The following STAP1 variants were observed in gnomAD, a reference collection of about 807,000 sequenced individuals.
STAP1 encodes signal transducing adaptor family member 1, also known as signal-transducing adaptor protein 1.
A neutral mutation model predicts 37.8 loss-of-function variants in STAP1; 30 were observed. That is an observed-to-expected ratio of 0.79 (90% CI 0.59 to 1.08). The LOEUF (loss-of-function observed/expected upper bound fraction) is 1.08. STAP1 is among the 50% of genes least tolerant of loss of function. STAP1 has a pLI of 0.00. For missense variants in STAP1, 357 were observed against 349.4 expected (o/e 1.02, Z -0.17); for synonymous variants, 130 against 116.0 (o/e 1.12, Z -0.78).
intron 3 of STAP1, among the ~76,000 whole-genome samples, chr4:67,575,843 A>G (rs1727708446): frequency 6.6e-6 from 1 of 152,172 alleles, no homozygotes. Flanking sequence ...AACTTGTATT[A>G]AATAAGATAT....
At chr4:67,571,402 T>C (rs1461466841) in intron 2 of STAP1, among the ~76,000 whole-genome samples, 1 of 152,242 alleles carries the variant, frequency 6.6e-6, no homozygotes, top group Non-Finnish European at 1.5e-5. Context: ...CTGATTCTGA[T>C]AACTAAACTT....
intron 6 of STAP1, among the ~76,000 whole-genome samples, chr4:67,586,353 AG>A (rs1727979305): frequency 1.3e-5 from 2 of 152,180 alleles, no homozygotes. Context: ...GCTACTCAGG[AG>A]GCTGAGGTAG....
chr4:67,576,677 T>A (rs890142771), intron 3 of STAP1, among the ~76,000 whole-genome samples: 1 of 152,206 alleles, frequency 6.6e-6, no homozygotes, highest in African/African-American at 2.4e-5. Context: ...GTATTTTTTG[T>A]AGAGACATGG....
intron 1 of STAP1, among the ~76,000 whole-genome samples, chr4:67,560,089 A>G (rs964277165): frequency 6.6e-6 from 1 of 152,218 alleles, no homozygotes; most frequent in African/African-American, 2.4e-5. Flanking sequence ...AAAAAATTCT[A>G]ATTAGTAATT....
chr4:67,583,737 A>T (rs1727918992), intron 6 of STAP1, 35 bp downstream of exon 6: 1 of 1,598,826 alleles, frequency 6.3e-7, no homozygotes, highest in Non-Finnish European at 8.5e-7. Flanking sequence ...TGGAATTTTT[A>T]AAAGCGTGGT....
chr4:67,586,247 A>T (rs1727977203), intron 6 of STAP1, among the ~76,000 whole-genome samples: 1 of 152,200 alleles, frequency 6.6e-6, no homozygotes, highest in Non-Finnish European at 1.5e-5. Flanking sequence ...TCATGAGGTC[A>T]GGAGTTTGAG....
chr4:67,595,026 G>A (rs1477780910), intron 8 of STAP1, among the ~76,000 whole-genome samples: 1 of 152,084 alleles, frequency 6.6e-6, no homozygotes, highest in Non-Finnish European at 1.5e-5. Context: ...TAGGAGAGCA[G>A]AAGTTTTAAA....
intron 6 of STAP1, among the ~76,000 whole-genome samples, chr4:67,588,097 A>G (rs1728030204): frequency 6.7e-6 from 1 of 149,862 alleles, no homozygotes; most frequent in African/African-American, 2.4e-5. Flanking sequence ...GGTCAGCATC[A>G]GGAAATCTTA....
At chr4:67,567,792 C>T (rs1257561758) in intron 1 of STAP1, among the ~76,000 whole-genome samples, 5 of 152,168 alleles carry the variant, frequency 3.3e-5, no homozygotes, top group South Asian at 2.1e-4. Context: ...GTTGTCCCTC[C>T]CTTCCCAGTC....
At chr4:67,578,060 C>T (rs186653752) in intron 4 of STAP1, among the ~76,000 whole-genome samples, 5 of 152,230 alleles carry the variant, frequency 3.3e-5, no homozygotes, top group Non-Finnish European at 4.4e-5. Context: ...TGAAAACTCA[C>T]CTTTAAACAT....
At position 67,569,001 on chromosome 4, in the gene STAP1, T is replaced by C. The variant is rs185915500; in HGVS notation, c.121-2083T>C. ...GTCACTTAACAATGGGGATATATTC[T>C]CAGAAATGCATTGTTAGGTGATTTC... On this transcript the variant is annotated intron_variant, in intron 1 of 8. Transcript: ENST00000265404. Among the ~76,000 whole-genome samples the C allele has an allele frequency of 1.7e-3, 256 of 152,322 alleles. 2 individuals are homozygous for C. The highest frequency in any genetic ancestry group is 3.5e-3 in the African/African-American group (147 of 41,564).
At chr4:67,581,515 A>G in intron 5 of STAP1, 44 bp downstream of exon 5, 1 of 1,557,884 alleles carries the variant, frequency 6.4e-7, no homozygotes, top group Non-Finnish European at 8.7e-7. Flanking sequence ...GATTGTTAAA[A>G]CTAATTTCTA....
At chr4:67,570,622 A>C (rs987408319) in intron 1 of STAP1, among the ~76,000 whole-genome samples, 3 of 151,812 alleles carry the variant, frequency 2.0e-5, no homozygotes, top group Non-Finnish European at 4.4e-5. Context: ...TGATTGTACC[A>C]CTACGCTCCA....
intron 3 of STAP1, 33 bp downstream of exon 3, chr4:67,575,531 T>C (rs754047230): frequency 1.6e-5 from 23 of 1,479,394 alleles, no homozygotes; most frequent in Middle Eastern, 3.4e-4. Flanking sequence ...CTGTAAAGGG[T>C]TGTGGTTATA....
intron 1 of STAP1, among the ~76,000 whole-genome samples, chr4:67,560,643 G>GTGT (rs1727313273): frequency 3.3e-5 from 5 of 149,488 alleles, no homozygotes; most frequent in Non-Finnish European, 7.4e-5. Flanking sequence ...TGTGTGTGTG[G>GTGT]GTGTGTGTCT....
At chr4:67,579,994 T>C (rs1473226468) in intron 4 of STAP1, among the ~76,000 whole-genome samples, 3 of 152,250 alleles carry the variant, frequency 2.0e-5, no homozygotes, top group African/African-American at 7.2e-5. Flanking sequence ...GCCTCCCAAG[T>C]ATCTGGGATT....
chr4:67,606,346 C>A lies in STAP1; in HGVS notation c.877C>A (p.His293Asn), dbSNP rs1253059855. ...AAGTGAAAAGTTGAAGAAAAATCCACACATTGCATGAAATACAATGTGAAA... is the reference window on the plus strand; with the variant it reads ...AAGTGAAAAGTTGAAGAAAAATCCAAACATTGCATGAAATACAATGTGAAA... ...GRSEKLKKNPHIA is the reference protein window; with the variant it reads ...GRSEKLKKNPNIA The change falls in exon 9 of 9, where the codon CAC (histidine) becomes AAC (asparagine). Residue 293 changes from histidine to asparagine, a missense_variant. Coordinates refer to ENST00000265404, the MANE Select transcript of STAP1 (RefSeq NM_012108.4). 1 of 1,610,654 alleles carries A rather than the reference C, an allele frequency of 6.2e-7. No individual in the cohort carries two copies. The highest frequency in any genetic ancestry group is 8.5e-7 in the Non-Finnish European group (1 of 1,178,674).
At chr4:67,573,462 TCTAA>T (rs747273976) in intron 2 of STAP1, among the ~76,000 whole-genome samples, 6 of 152,180 alleles carry the variant, frequency 3.9e-5, no homozygotes, top group Non-Finnish European at 8.8e-5. Context: ...GCTACTGCAC[TCTAA>T]CTAACTGCCA....
Position 67,569,011 on chromosome 4 carries a change from A to T in STAP1, c.121-2073A>T, listed in dbSNP as rs192007276. 1.1e-4 allele frequency among the ~76,000 whole-genome samples: 17 copies of T among 152,334 alleles called. No homozygotes were observed. The East Asian group carries it at 1.7e-3, about 16-fold the overall frequency. Reference sequence around the variant, plus strand: ...AATGGGGATATATTCTCAGAAATGCATTGTTAGGTGATTTCATCATTGTGT... The same window carrying T: ...AATGGGGATATATTCTCAGAAATGCTTTGTTAGGTGATTTCATCATTGTGT... On this transcript the variant is annotated intron_variant, in intron 1 of 8. Coordinates refer to ENST00000265404, the MANE Select transcript of STAP1 (RefSeq NM_012108.4).
Sources: gnomAD v4.1 joint callset for allele counts (sites outside exome capture counted in the v4.1 genomes callset) on GRCh38, gnomAD v4.1.1 for gene constraint, MANE v1.5 for transcripts, NCBI Gene and HGNC (gene_info 2026-07-23, HGNC 2026-07-21) for gene names.